Variants in ZNF565 observed in about 807,000 individuals in gnomAD.
ZNF565 encodes the protein zinc finger protein 565.
In ZNF565, 27 loss-of-function variants were observed where a neutral mutation model predicts 39.4. That is an observed-to-expected ratio of 0.69 (90% confidence interval 0.51 to 0.95). ZNF565 has a LOEUF of 0.95. ZNF565 is among the 40% of genes least tolerant of loss of function. ZNF565 has a pLI of 0.00. For missense variants in ZNF565, 524 were observed against 621.1 expected (o/e 0.84, Z 1.66); for synonymous variants, 185 against 216.6 (o/e 0.85, Z 1.28).
intron 1 of ZNF565, among the ~76,000 whole-genome samples, chr19:36,234,080 G>A (rs552564545): frequency 6.6e-6 from 1 of 152,280 alleles, no homozygotes; most frequent in Admixed American, 6.5e-5. Flanking sequence ...AGGGAGTGGT[G>A]ATGACTCTTA....
chr19:36,191,007 A>C (rs1309077551), intron 4 of ZNF565, among the ~76,000 whole-genome samples: 2 of 151,226 alleles, frequency 1.3e-5, no homozygotes, highest in East Asian at 1.9e-4. Flanking sequence ...AAAAAAAAAA[A>C]AAACACATAA....
intron 1 of ZNF565, among the ~76,000 whole-genome samples, chr19:36,230,714 C>T (rs774260263): frequency 6.6e-6 from 1 of 152,164 alleles, no homozygotes; most frequent in Non-Finnish European, 1.5e-5. Flanking sequence ...ATAAGAGTAG[C>T]AGTGGTTAGG....
intron 1 of ZNF565, among the ~76,000 whole-genome samples, chr19:36,207,004 T>C (rs1433872037): frequency 2.0e-5 from 3 of 152,064 alleles, no homozygotes; most frequent in South Asian, 2.1e-4. Flanking sequence ...TCTGGGGAAG[T>C]GCACGCCTTG....
rs1399493254 is a variant in ZNF565 at position 36,183,700 on chromosome 19, T to A, written c.266A>T (p.Lys89Ile). Residue 89 changes from lysine (K) to isoleucine (I), a missense_variant, in exon 5 of 5, where the codon AAA (lysine) becomes ATA (isoleucine). Transcript: ENST00000304116. Reference protein sequence around the residue: ...LESRCEKFLQKDIFEIGAFNW... With the variant: ...LESRCEKFLQIDIFEIGAFNW... ...GAATGCCCCGATTTCAAAAATGTCT[T>A]TTTGTAGAAATTTCTCACACCTGGA... 1 of 1,612,364 alleles carries A rather than the reference T, an allele frequency of 6.2e-7. No individual in the cohort carries two copies. Among genetic ancestry groups the A allele is most frequent in the Non-Finnish European group, 8.5e-7 (1 of 1,178,916 alleles).
intron 4 of ZNF565, among the ~76,000 whole-genome samples, chr19:36,190,139 GT>G (rs1975473495): frequency 6.6e-6 from 1 of 151,960 alleles, no homozygotes; most frequent in African/African-American, 2.4e-5. Flanking sequence ...TCCATACATT[GT>G]TAATTTATGC....
chr19:36,183,801 T>G (rs1339625572), intron 4 of ZNF565, 68 bp from the exon 5 acceptor site: 1 of 1,425,464 alleles, frequency 7.0e-7, no homozygotes, highest in African/African-American at 1.4e-5. Context: ...AATTCTATAG[T>G]AGAGGCCAGG....
intron 4 of ZNF565, among the ~76,000 whole-genome samples, chr19:36,184,831 T>G (rs971164267): frequency 6.6e-6 from 1 of 151,952 alleles, no homozygotes; most frequent in African/African-American, 2.4e-5. Context: ...AAGAATTAAT[T>G]CCAAAGGCCA....
intron 1 of ZNF565, among the ~76,000 whole-genome samples, chr19:36,207,062 C>G (rs950224200): frequency 2.6e-5 from 4 of 152,050 alleles, no homozygotes; most frequent in Non-Finnish European, 5.9e-5. Context: ...GCAGGCTTTC[C>G]TCGATCAACA....
chr19:36,198,406 C>G (rs1186588227), intron 2 of ZNF565, among the ~76,000 whole-genome samples: 2 of 152,066 alleles, frequency 1.3e-5, no homozygotes, highest in Non-Finnish European at 2.9e-5. Context: ...CATGTTCTCA[C>G]TTATTTGTGG....
intron 1 of ZNF565, among the ~76,000 whole-genome samples, chr19:36,234,546 C>T (rs1051734859): frequency 4.6e-5 from 7 of 152,124 alleles, no homozygotes; most frequent in African/African-American, 1.7e-4. Context: ...TCTGGTTGCT[C>T]GCCACCACGC....
chr19:36,209,051 C>G (rs1976256998), intron 1 of ZNF565, among the ~76,000 whole-genome samples: 1 of 152,076 alleles, frequency 6.6e-6, no homozygotes, highest in Non-Finnish European at 1.5e-5. Context: ...AGGCTGGTCT[C>G]AAACTCCTGG....
intron 1 of ZNF565, chr19:36,228,916 G>A (rs1361327459): frequency 1.3e-5 from 2 of 152,184 alleles, no homozygotes; most frequent in Non-Finnish European, 2.9e-5. Flanking sequence ...GACATATAGA[G>A]TATTGCTTGG....
rs1002275902 is a variant in ZNF565 at position 36,245,215 on chromosome 19, T to G, written c.55+261A>C. The stretch of plus-strand genomic sequence containing the variant: ...GTCCCCTGGGCTCCTTTGAATCGCT[T>G]TGGCAGCTCCCTCGGTTTAGAGCTA... On this transcript the variant is annotated intron_variant, in intron 1 of 4. Coordinates refer to the ZNF565 transcript ENST00000355114. This position sits in a 1 kb window ranked among gnomAD's most constrained non-coding sequence, Gnocchi z 4.4. 6.6e-6 allele frequency among the ~76,000 whole-genome samples: 1 copy of G among 152,186 alleles called. No homozygotes were observed. The highest frequency in any genetic ancestry group is 6.5e-5 in the Admixed American group (1 of 15,286).
chr19:36,243,031 CT>C (rs1435654704), intron 1 of ZNF565, among the ~76,000 whole-genome samples: 1 of 151,930 alleles, frequency 6.6e-6, no homozygotes, highest in Non-Finnish European at 1.5e-5. Flanking sequence ...TGGTTTTGGT[CT>C]TTTTGTTTGT....
chr19:36,234,717 AGCTGC>A (rs1977571253), intron 1 of ZNF565, among the ~76,000 whole-genome samples: 1 of 152,148 alleles, frequency 6.6e-6, no homozygotes, highest in African/African-American at 2.4e-5. Context: ...TTTTGTCTTC[AGCTGC>A]AGAATGGTGC....
intron 1 of ZNF565, among the ~76,000 whole-genome samples, chr19:36,220,095 C>G (rs369409745): frequency 1.2e-4 from 18 of 152,268 alleles, no homozygotes; most frequent in African/African-American, 3.8e-4. Context: ...GCACTGCAGG[C>G]TTGTATCTTC....
intron 1 of ZNF565, among the ~76,000 whole-genome samples, chr19:36,210,510 G>A (rs186749004): frequency 2.0e-3 from 306 of 150,546 alleles, no homozygotes; most frequent in African/African-American, 7.0e-3. Flanking sequence ...GATACTATAT[G>A]AACTCATGAA....
intron 1 of ZNF565, among the ~76,000 whole-genome samples, chr19:36,228,232 ATGTT>A (rs1977167081): frequency 6.7e-6 from 1 of 149,982 alleles, no homozygotes; most frequent in Non-Finnish European, 1.5e-5. Flanking sequence ...CTTCAGGAAA[ATGTT>A]TGAGTTTTTA....
intron 1 of ZNF565, among the ~76,000 whole-genome samples, chr19:36,233,033 G>A (rs1977457009): frequency 2.0e-5 from 3 of 152,136 alleles, no homozygotes; most frequent in Admixed American, 2.0e-4. Context: ...TATTTTGTGT[G>A]CTGAGGCATC....
Sources: allele counts gnomAD v4.1 joint callset (sites outside exome capture counted in the v4.1 genomes callset), GRCh38; gene constraint gnomAD v4.1.1; non-coding constraint Gnocchi (gnomAD v3.1); transcripts MANE v1.5; gene names NCBI Gene and HGNC (gene_info 2026-07-23, HGNC 2026-07-21).